The following MAP2K6 variants were observed in gnomAD, a reference collection of about 807,000 sequenced individuals.
MAP2K6 encodes the protein dual specificity mitogen-activated protein kinase kinase 6.
In MAP2K6, 16 loss-of-function variants were observed where a neutral mutation model predicts 53.7. The observed-to-expected ratio is 0.30, with a 90% CI of 0.20 to 0.45. MAP2K6 has a LOEUF of 0.45. Among genes scored for constraint, MAP2K6 ranks in the 20% least tolerant of loss-of-function variants. The pLI, the probability that MAP2K6 is intolerant of heterozygous loss-of-function variation, is 1.00. For synonymous variants in MAP2K6, 132 were observed against 143.1 expected, an observed-to-expected ratio of 0.92 and a Z score of 0.55; for missense variants, 204 against 411.9, an observed-to-expected ratio of 0.50 and a Z score of 4.37.
intron 7 of MAP2K6, among the ~76,000 whole-genome samples, 157 bp from the exon 8 acceptor site, chr17:69,523,357 T>C (rs1027808812): frequency 2.6e-5 from 4 of 152,236 alleles, no homozygotes; most frequent in African/African-American, 4.8e-5. Context: ...AATAAGCTGT[T>C]GTTAACTGTG....
At chr17:69,415,206 C>T (rs950863669) in intron 1 of MAP2K6, among the ~76,000 whole-genome samples, 3 of 152,032 alleles carry the variant, frequency 2.0e-5, no homozygotes, top group African/African-American at 4.8e-5. Flanking sequence ...TGTGCATTGA[C>T]GTTATTTGCA....
At chr17:69,475,416 T>C (rs901442925) in intron 1 of MAP2K6, among the ~76,000 whole-genome samples, 1 of 152,100 alleles carries the variant, frequency 6.6e-6, no homozygotes, top group Non-Finnish European at 1.5e-5. Context: ...GATCCGCCCG[T>C]CTCGGCCTCC....
At chr17:69,505,714 A>G (rs959419243) in intron 1 of MAP2K6, 66 bp from the exon 2 acceptor site, 1 of 1,279,550 alleles carries the variant, frequency 7.8e-7, no homozygotes, top group East Asian at 2.3e-5. Flanking sequence ...CCTTTGCCGC[A>G]GTCTCTTTCT....
chr17:69,511,706 G>A (rs1314614305), intron 2 of MAP2K6, among the ~76,000 whole-genome samples: 1 of 152,230 alleles, frequency 6.6e-6, no homozygotes, highest in African/African-American at 2.4e-5. Context: ...ATGGGTAAGA[G>A]TTCAGGGTCT....
At chr17:69,533,753 T>TA (rs57143660) in intron 10 of MAP2K6, among the ~76,000 whole-genome samples, 5 of 145,396 alleles carry the variant, frequency 3.4e-5, no homozygotes, top group Admixed American at 6.8e-5. Context: ...TTTTTTTTTT[T>TA]ACCAGGGTCT....
At chr17:69,500,755 C>CA (rs36102273) in intron 1 of MAP2K6, among the ~76,000 whole-genome samples, 57,342 of 132,112 alleles carry the variant, frequency 0.43, 11,673 homozygotes, top group East Asian at 0.56. Flanking sequence ...GATTCCATCT[C>CA]AAAAAAAAAA....
At chr17:69,424,893 G>A (rs542537820) in intron 1 of MAP2K6, among the ~76,000 whole-genome samples, 2 of 152,294 alleles carry the variant, frequency 1.3e-5, no homozygotes, top group African/African-American at 4.8e-5. Flanking sequence ...GATTACAATT[G>A]GCCCACTGAT....
rs1907649164 is a variant in MAP2K6, at chr17:69,462,358, A to G, written c.17-43422A>G. ...GGACTCCAGCACATGCAGTCCCTCC[A>G]TAAAACGACAAGAGAACACAGTGTG... is the stretch of plus-strand genomic sequence containing the variant. On this transcript the variant is annotated intron_variant, in intron 1 of 11. Transcript: ENST00000590474. 3.3e-5 allele frequency among the ~76,000 whole-genome samples: 5 copies of G among 152,254 alleles called. No individual in the cohort carries two copies. In the South Asian group the frequency reaches 1.0e-3, roughly 32 times the overall value.
In MAP2K6 at chr17:69,542,592, T is replaced by A. The variant is rs1911691331; in HGVS notation, c.*839T>A. On this transcript the variant is annotated 3_prime_UTR_variant, in exon 12 of 12. Transcript: ENST00000590474. ...TTTTATATCCACCTACCTATTCATC[T>A]ACCTGTGTGTATGTGTGTGTTTGTG... is the stretch of plus-strand genomic sequence containing the variant. 6.6e-6 allele frequency: 1 copy of A among 152,250 alleles called. No individual in the cohort carries two copies. The allele number at this position is 152,250 out of a possible 1,614,324, so 9.4% of individuals were successfully genotyped here.
chr17:69,428,852 G>GTTTTTTTTTTTTTTTTT (rs1567814754), intron 1 of MAP2K6, among the ~76,000 whole-genome samples: 2 of 102,360 alleles, frequency 2.0e-5, no homozygotes, highest in African/African-American at 5.3e-5. Context: ...CCTTTCTTCT[G>GTTTTTTTTTTTTTTTTT]TTTTTGTTTT....
In MAP2K6 at chr17:69,543,175, A is replaced by G. The variant is rs988272957; in HGVS notation, c.*1422A>G. The G allele has an allele frequency of 1.3e-5, 2 of 152,202 alleles. No individual in the cohort carries two copies. The highest frequency in any genetic ancestry group is 2.4e-5 in the African/African-American group (1 of 41,452). The allele number at this position is 152,202 out of a possible 1,614,324, so 9.4% of individuals were successfully genotyped here. ...TAATTGACAGGGAAAATATAGACCT[A>G]TGATAAATAACCAGGAAGCATTGCT... On this transcript the variant is annotated 3_prime_UTR_variant, in exon 12 of 12. Coordinates refer to ENST00000590474, the MANE Select transcript of MAP2K6 (RefSeq NM_002758.4).
intron 1 of MAP2K6, among the ~76,000 whole-genome samples, chr17:69,504,255 G>A (rs1909335004): frequency 6.6e-6 from 1 of 152,038 alleles, no homozygotes; most frequent in African/African-American, 2.4e-5. Context: ...AGAAGAGGTG[G>A]GAAAGGAGGT....
intron 1 of MAP2K6, among the ~76,000 whole-genome samples, chr17:69,472,807 T>G (rs1402983792): frequency 6.6e-6 from 1 of 152,190 alleles, no homozygotes; most frequent in Non-Finnish European, 1.5e-5. Flanking sequence ...CAAGCAATCC[T>G]CCTGCCTCAG....
At chr17:69,513,626 A>T (rs937562117) in intron 2 of MAP2K6, among the ~76,000 whole-genome samples, 3 of 151,336 alleles carry the variant, frequency 2.0e-5, no homozygotes, top group Admixed American at 2.0e-4. Flanking sequence ...GCCGTTGTTT[A>T]TTTTTTGTTT....
intron 1 of MAP2K6, among the ~76,000 whole-genome samples, chr17:69,473,297 T>G (rs753343814): frequency 7.2e-5 from 11 of 152,184 alleles, no homozygotes; most frequent in Non-Finnish European, 1.6e-4. Flanking sequence ...AGGATTAATT[T>G]CTGCAGAAAA....
chr17:69,463,156 T>C (rs917259891), intron 1 of MAP2K6, among the ~76,000 whole-genome samples: 3 of 151,802 alleles, frequency 2.0e-5, no homozygotes, highest in East Asian at 1.9e-4. Flanking sequence ...AGAAACTGAT[T>C]TGAAGTGTGT....
intron 2 of MAP2K6, among the ~76,000 whole-genome samples, chr17:69,512,459 C>T (rs970732253): frequency 2.0e-5 from 3 of 150,314 alleles, no homozygotes; most frequent in African/African-American, 7.4e-5. Context: ...CCTGCCTCAG[C>T]CTCCCAAGTA....
intron 1 of MAP2K6, among the ~76,000 whole-genome samples, chr17:69,472,292 A>T (rs1313204726): frequency 1.3e-5 from 2 of 152,216 alleles, no homozygotes; most frequent in Non-Finnish European, 2.9e-5. Context: ...TTTAACATTA[A>T]CAATAATAAA....
At position 69,550,178 on chromosome 17, in the gene MAP2K6, A is replaced by G. The variant is rs1912035832; in HGVS notation, c.*8425A>G. 1 of 152,154 alleles carries G rather than the reference A, an allele frequency of 6.6e-6. No individual in the cohort carries two copies. Among genetic ancestry groups the G allele is most frequent in the Admixed American group, 6.5e-5 (1 of 15,272 alleles). The allele number at this position is 152,154 out of a possible 1,614,324, so 9.4% of individuals were successfully genotyped here. ...TTGTATCCCTAGTGTTATTGATTTG[A>G]AAGAGTTACCTTTTCAGACAGATGG... On this transcript the variant is annotated 3_prime_UTR_variant, in exon 12 of 12. Transcript: ENST00000590474.
Sources: allele counts gnomAD v4.1 joint callset (sites outside exome capture counted in the v4.1 genomes callset), GRCh38; gene constraint gnomAD v4.1.1; transcripts MANE v1.5; gene names NCBI Gene and HGNC (gene_info 2026-07-23, HGNC 2026-07-21).